The following AGBL4 variants were observed in gnomAD, a reference collection of about 807,000 sequenced individuals.
The protein encoded by AGBL4 is cytosolic carboxypeptidase 6.
AGBL4 carries 58 observed loss-of-function variants against 66.4 expected under a neutral mutation model. The ratio of observed to expected loss-of-function variants is 0.87; its 90% CI spans 0.71 to 1.09. AGBL4 has a LOEUF of 1.09. AGBL4 is among the 50% of genes least tolerant of loss of function. The pLI, the probability that AGBL4 is intolerant of heterozygous loss-of-function variation, is 0.00. For missense variants in AGBL4, 579 were observed against 631.0 expected, an observed-to-expected ratio of 0.92 and a Z score of 0.88; for synonymous variants, 234 against 222.9, an observed-to-expected ratio of 1.05 and a Z score of -0.44.
At chr1:49,948,394 TATAAATATATATAAATATAG>T (rs1557609518) in intron 1 of AGBL4, among the ~76,000 whole-genome samples, 4 of 116,182 alleles carry the variant, frequency 3.4e-5, no homozygotes, top group Non-Finnish European at 6.5e-5. Flanking sequence ...TATATAAATA[TATAAATATATATAAATATAG>T]ATAAATATAG....
At chr1:49,796,054 A>G (rs1479184986) in intron 2 of AGBL4, among the ~76,000 whole-genome samples, 2 of 151,966 alleles carry the variant, frequency 1.3e-5, no homozygotes, top group African/African-American at 2.4e-5. Flanking sequence ...TTCTTACACC[A>G]TAAAGAGCTC....
chr1:49,600,186 G>A (rs1644927516), intron 3 of AGBL4, among the ~76,000 whole-genome samples: 1 of 152,132 alleles, frequency 6.6e-6, no homozygotes, highest in African/African-American at 2.4e-5. Context: ...CTGACTCATT[G>A]ATTTGTCTAA....
intron 1 of AGBL4, among the ~76,000 whole-genome samples, chr1:49,890,613 C>T (rs1329551629): frequency 6.6e-6 from 1 of 152,178 alleles, no homozygotes; most frequent in Non-Finnish European, 1.5e-5. Flanking sequence ...GGTATATAAA[C>T]TGACTGCATT....
intron 3 of AGBL4, among the ~76,000 whole-genome samples, chr1:49,482,928 G>C (rs1420895817): frequency 1.3e-5 from 2 of 152,036 alleles, no homozygotes; most frequent in Non-Finnish European, 2.9e-5. Context: ...TAATTGTATG[G>C]TTTTGAGTGA....
chr1:49,022,836 T>C (rs1663351551), intron 5 of AGBL4, among the ~76,000 whole-genome samples: 1 of 152,218 alleles, frequency 6.6e-6, no homozygotes, highest in African/African-American at 2.4e-5. Context: ...ACCAGCACTA[T>C]GCTAGGCTCT....
Position 48,871,946 on chromosome 1 carries a change from C to T in AGBL4, c.595-4716G>A, listed in dbSNP as rs149843014. Among the ~76,000 whole-genome samples the T allele has an allele frequency of 5.9e-3, 891 of 152,214 alleles. 13 individuals carry two copies. Among genetic ancestry groups the T allele is most frequent in the Middle Eastern group, 0.017 (5 of 294 alleles). ...AGACACCTTACTCAAGAACTTTGGA[C>T]CTTTTCTGGATTCAATTATTCTCTC... On this transcript the variant is annotated intron_variant, in intron 5 of 13. Coordinates refer to ENST00000371839, the MANE Select transcript of AGBL4 (RefSeq NM_032785.4).
At chr1:48,918,818 T>C (rs1557460538) in intron 5 of AGBL4, among the ~76,000 whole-genome samples, 1 of 152,212 alleles carries the variant, frequency 6.6e-6, no homozygotes, top group African/African-American at 2.4e-5. Context: ...AGCACAGCTG[T>C]ATACCAATTT....
intron 3 of AGBL4, among the ~76,000 whole-genome samples, chr1:49,542,919 A>AAC (rs1418454089): frequency 6.6e-6 from 1 of 150,602 alleles, no homozygotes; most frequent in Non-Finnish European, 1.5e-5. Context: ...AAAAAAAAAA[A>AAC]AAAAAACTCA....
At chr1:49,694,997 AG>A (rs1162044547) in intron 3 of AGBL4, among the ~76,000 whole-genome samples, 1 of 152,146 alleles carries the variant, frequency 6.6e-6, no homozygotes, top group Non-Finnish European at 1.5e-5. Flanking sequence ...ATAATTTCAG[AG>A]CTTCTGCTAA....
rs1388777453 is a variant in AGBL4, at chr1:48,793,579, A to G, written c.634+73612T>C. Among the ~76,000 whole-genome samples the G allele has an allele frequency of 2.6e-5, 4 of 152,252 alleles. No individual in the cohort carries two copies. The East Asian group carries it at 7.7e-4, about 29-fold the overall frequency. On this transcript the variant is annotated intron_variant, in intron 6 of 13. Coordinates refer to ENST00000371839, the MANE Select transcript of AGBL4 (RefSeq NM_032785.4). ...GGGAAGGAGATGTGAATTTATTAAG[A>G]ATGTAATATATGCCTGGCTCTTTTA...
chr1:49,500,242 A>G (rs1416670910), intron 3 of AGBL4, among the ~76,000 whole-genome samples: 2 of 151,580 alleles, frequency 1.3e-5, no homozygotes, highest in Admixed American at 6.6e-5. Context: ...CTTCTTGCTG[A>G]TTTGTTTGAG....
chr1:49,882,113 C>T (rs1469621494), intron 1 of AGBL4, among the ~76,000 whole-genome samples: 2 of 151,984 alleles, frequency 1.3e-5, no homozygotes, highest in Admixed American at 1.3e-4. Flanking sequence ...TATGGCTAGC[C>T]AGTTTTCCAA....
At position 48,931,697 on chromosome 1, in the gene AGBL4, C is replaced by T. The variant is rs563799123; in HGVS notation, c.595-64467G>A. Among the ~76,000 whole-genome samples, 13 of 152,052 alleles carry T rather than the reference C, an allele frequency of 8.5e-5. No individual in the cohort carries two copies. The South Asian group carries it at 1.0e-3, about 12-fold the overall frequency. On this transcript the variant is annotated intron_variant, in intron 5 of 13. Transcript: ENST00000371839. ...ACCACACCTAATTATTTGTAGATAACGGGGTTTTTCCATGTTGACCAGCCT... is the reference window on the plus strand; with the variant it reads ...ACCACACCTAATTATTTGTAGATAATGGGGTTTTTCCATGTTGACCAGCCT...
intron 3 of AGBL4, among the ~76,000 whole-genome samples, chr1:49,300,906 C>T (rs956857102): frequency 6.6e-6 from 1 of 152,170 alleles, no homozygotes; most frequent in Non-Finnish European, 1.5e-5. Context: ...GATCGTAAGC[C>T]ATGGTTAGAA....
intron 2 of AGBL4, among the ~76,000 whole-genome samples, chr1:49,759,826 A>C (rs1652168601): frequency 6.6e-6 from 1 of 152,228 alleles, no homozygotes; most frequent in South Asian, 2.1e-4. Context: ...ATAAATCTCA[A>C]AACAGTCAGG....
chr1:49,596,840 G>A (rs1463056018), intron 3 of AGBL4, among the ~76,000 whole-genome samples: 3 of 152,118 alleles, frequency 2.0e-5, no homozygotes, highest in Admixed American at 2.0e-4. Flanking sequence ...CCTTAAAAAT[G>A]CTCATGCTTA....
At position 48,776,684 on chromosome 1, in the gene AGBL4, C is replaced by T. The variant is rs1322398522; in HGVS notation, c.634+90507G>A. ...GGGGCGCGCGGGGGGCTCTCGGGCC[C>T]GGCGCCCAATTCCTCCGGGCCCCGG... On this transcript the variant is annotated intron_variant, in intron 6 of 13. Transcript: ENST00000371839. 1.3e-6 allele frequency: 2 copies of T among 1,513,398 alleles called. No homozygotes were observed. Among genetic ancestry groups the T allele is most frequent in the Non-Finnish European group, 8.8e-7 (1 of 1,132,296 alleles). 93.7% of individuals were successfully genotyped at this position (1,513,398 alleles called of 1,614,324 possible).
At chr1:48,798,751 A>G (rs539765231) in intron 6 of AGBL4, among the ~76,000 whole-genome samples, 3 of 152,222 alleles carry the variant, frequency 2.0e-5, no homozygotes, top group African/African-American at 7.2e-5. Flanking sequence ...TTATTCCAGC[A>G]CCATTTGTTG....
chr1:49,073,547 C>G (rs900189868), intron 4 of AGBL4, among the ~76,000 whole-genome samples: 5 of 152,180 alleles, frequency 3.3e-5, no homozygotes, highest in Non-Finnish European at 5.9e-5. Context: ...AGGTCCACTC[C>G]AAACCTTGTT....
Sources: gnomAD v4.1 joint callset for allele counts (sites outside exome capture counted in the v4.1 genomes callset) on GRCh38, gnomAD v4.1.1 for gene constraint, MANE v1.5 for transcripts, NCBI Gene and HGNC (gene_info 2026-07-23, HGNC 2026-07-21) for gene names.